The following UBE2R2 variants were observed in gnomAD, a reference collection of about 807,000 sequenced individuals.
UBE2R2 encodes the protein ubiquitin conjugating enzyme E2 R2, also known as ubiquitin-conjugating enzyme E2 R2.
UBE2R2 carries 1 observed loss-of-function variant against 27.8 expected under a neutral mutation model. The ratio of observed to expected loss-of-function variants is 0.04; its 90% CI spans 0.01 to 0.17. The LOEUF (loss-of-function observed/expected upper bound fraction) is 0.17, where lower values mean the gene tolerates loss of function less well. Ranked by LOEUF, UBE2R2 falls within the 10% of genes least tolerant of loss-of-function variation. The pLI is 1.00. For missense variants in UBE2R2, 100 were observed against 291.0 expected, an observed-to-expected ratio of 0.34 and a Z score of 4.78; for synonymous variants, 106 against 113.3, an observed-to-expected ratio of 0.94 and a Z score of 0.41.
chr9:33,911,035 C>T (rs1019759279), intron 3 of UBE2R2, among the ~76,000 whole-genome samples: 7 of 151,776 alleles, frequency 4.6e-5, no homozygotes, highest in African/African-American at 1.7e-4. Flanking sequence ...ACCCAGGAGG[C>T]AGAGGTTACA....
chr9:33,918,781 C>T lies in UBE2R2; in HGVS notation c.*1544C>T, dbSNP rs1822720898. ...GCACTAGTGTCAACTCCTCCTTTGG[C>T]TCGTAACTCAGAAAGAACCAAAGGG... On this transcript the variant is annotated 3_prime_UTR_variant, in exon 5 of 5. Transcript: ENST00000263228. 6.6e-6 allele frequency: 1 copy of T among 152,650 alleles called. No individual in the cohort carries two copies. Among genetic ancestry groups the T allele is most frequent in the Non-Finnish European group, 1.5e-5 (1 of 68,066 alleles). 9.5% of individuals were successfully genotyped at this position (152,650 alleles called of 1,614,324 possible).
intron 1 of UBE2R2, among the ~76,000 whole-genome samples, chr9:33,824,318 C>A (rs1402448718): frequency 6.6e-6 from 1 of 151,834 alleles, no homozygotes; most frequent in Non-Finnish European, 1.5e-5. Context: ...ATGGTGAAAC[C>A]CGGTCTCCAC....
chr9:33,916,076 C>T (rs987068355), intron 4 of UBE2R2, among the ~76,000 whole-genome samples: 3 of 152,164 alleles, frequency 2.0e-5, no homozygotes, highest in African/African-American at 7.2e-5. Context: ...GGTGCAGTGG[C>T]TCATGCCTGT....
In UBE2R2 at chr9:33,817,814, C is replaced by A. The variant is rs11542253; in HGVS notation, c.57C>A (p.Ser19=). 6.2e-7 allele frequency: 1 copy of A among 1,612,140 alleles called. No individual in the cohort carries two copies. The highest frequency in any genetic ancestry group is 1.7e-5 in the Admixed American group (1 of 59,900). Residue 19 remains serine (S), a synonymous_variant, in exon 1 of 5, where the codon TCC becomes TCA. Coordinates refer to ENST00000263228, the MANE Select transcript of UBE2R2 (RefSeq NM_017811.4). The part of the protein sequence containing the change: ...SQKALMLELK[S]LQEEPVEGFR... ...AGGCCCTGATGCTCGAGCTGAAATC[C>A]CTGCAGGAGGAACCGGTGGAGGGCT...
intron 1 of UBE2R2, among the ~76,000 whole-genome samples, chr9:33,854,335 T>C (rs1008897214): frequency 5.3e-5 from 8 of 152,014 alleles, no homozygotes; most frequent in African/African-American, 1.2e-4. Flanking sequence ...TTTTTTTTTT[T>C]CGAGACGGCG....
At chr9:33,865,502 A>G (rs986143577) in intron 1 of UBE2R2, among the ~76,000 whole-genome samples, 3 of 152,024 alleles carry the variant, frequency 2.0e-5, no homozygotes, top group Non-Finnish European at 2.9e-5. Context: ...GGCCTTCTAA[A>G]TATTTTAAAT....
intron 1 of UBE2R2, among the ~76,000 whole-genome samples, chr9:33,833,206 AAACACAT>A (rs1372247354): frequency 1.9e-4 from 29 of 152,306 alleles, no homozygotes; most frequent in Middle Eastern, 3.4e-3. Context: ...CTGGGATTAC[AAACACAT>A]GCCACCGTGC....
chr9:33,839,967 A>G lies in UBE2R2; in HGVS notation c.177+22033A>G, dbSNP rs543535214. ...GCTATGATTGTGCCATTGTACTCCA[A>G]TCTGGGTGACAGAGTGAGACCCTGA... On this transcript the variant is annotated intron_variant, in intron 1 of 4. Transcript: ENST00000263228. Among the ~76,000 whole-genome samples, 24 of 152,126 alleles carry G rather than the reference A, an allele frequency of 1.6e-4. No homozygotes were observed. The East Asian group carries it at 4.6e-3, about 29-fold the overall frequency.
chr9:33,914,293 G>T (rs562511275), intron 4 of UBE2R2, among the ~76,000 whole-genome samples: 13 of 152,022 alleles, frequency 8.6e-5, no homozygotes, highest in Non-Finnish European at 1.9e-4. Flanking sequence ...TACTTTTTCA[G>T]GTGAAAAAAG....
At chr9:33,895,573 A>G (rs1822083785) in intron 2 of UBE2R2, among the ~76,000 whole-genome samples, 1 of 152,168 alleles carries the variant, frequency 6.6e-6, no homozygotes, top group Non-Finnish European at 1.5e-5. Flanking sequence ...CTTGTCAATA[A>G]CTGTAAAATG....
chr9:33,913,414 A>G (rs1475476472), intron 4 of UBE2R2, among the ~76,000 whole-genome samples: 1 of 151,980 alleles, frequency 6.6e-6, no homozygotes, highest in Non-Finnish European at 1.5e-5. Flanking sequence ...ATGCACCACC[A>G]CACCCAGCTA....
intron 1 of UBE2R2, among the ~76,000 whole-genome samples, chr9:33,841,984 T>C (rs1310522591): frequency 6.6e-6 from 1 of 152,222 alleles, no homozygotes; most frequent in Non-Finnish European, 1.5e-5. Flanking sequence ...AATATTCTCT[T>C]TCAACCTTAA....
intron 1 of UBE2R2, among the ~76,000 whole-genome samples, chr9:33,878,880 C>T (rs930578971): frequency 6.6e-6 from 1 of 152,018 alleles, no homozygotes; most frequent in Non-Finnish European, 1.5e-5. Flanking sequence ...ACTTATGTGT[C>T]CTGGACGATG....
chr9:33,914,843 A>G (rs1176384230), intron 4 of UBE2R2, among the ~76,000 whole-genome samples: 2 of 152,064 alleles, frequency 1.3e-5, no homozygotes, highest in East Asian at 3.9e-4. Flanking sequence ...GAAAAAAAAA[A>G]AAAAGACAGT....
At chr9:33,846,059 G>T (rs1820839450) in intron 1 of UBE2R2, among the ~76,000 whole-genome samples, 1 of 151,372 alleles carries the variant, frequency 6.6e-6, no homozygotes. Context: ...TCGGGAGGTG[G>T]AGCTTGCGGT....
intron 3 of UBE2R2, among the ~76,000 whole-genome samples, chr9:33,905,678 T>C (rs1822338375): frequency 1.3e-5 from 2 of 152,230 alleles, no homozygotes. Flanking sequence ...TATTTTACCA[T>C]CAGTTGCCCT....
intron 1 of UBE2R2, among the ~76,000 whole-genome samples, chr9:33,864,662 G>T (rs959439792): frequency 2.6e-5 from 4 of 151,648 alleles, no homozygotes; most frequent in Non-Finnish European, 5.9e-5. Flanking sequence ...CTATTCTCCC[G>T]CTGAAGCCTC....
At chr9:33,833,185 C>G (rs1430251531) in intron 1 of UBE2R2, among the ~76,000 whole-genome samples, 1 of 152,180 alleles carries the variant, frequency 6.6e-6, no homozygotes, top group Non-Finnish European at 1.5e-5. Context: ...CTGCCTCAGC[C>G]TCCCGAGTAG....
chr9:33,896,952 TG>T (rs1822120064), intron 2 of UBE2R2, among the ~76,000 whole-genome samples: 1 of 116,666 alleles, frequency 8.6e-6, no homozygotes, highest in Admixed American at 8.1e-5. Context: ...GTGTTTTTTG[TG>T]TTTTTTTTTT....
Sources: gnomAD v4.1 joint callset for allele counts (sites outside exome capture counted in the v4.1 genomes callset) on GRCh38, gnomAD v4.1.1 for gene constraint, MANE v1.5 for transcripts, NCBI Gene and HGNC (gene_info 2026-07-23, HGNC 2026-07-21) for gene names.